OR5AS1: variants seen among roughly 807,000 people sequenced by gnomAD.
OR5AS1 encodes the protein olfactory receptor family 5 subfamily AS member 1.
For synonymous variants in OR5AS1, 196 were observed against 141.7 expected, an observed-to-expected ratio of 1.38 and a Z score of -2.72; for missense variants, 492 against 378.2, an observed-to-expected ratio of 1.30 and a Z score of -2.50.
At position 56,035,999 on chromosome 11, in the gene OR5AS1, CA is replaced by C. The variant is rs752353291; in HGVS notation, c.*4607del. ...AAACTCACTCAAAACCACACATCTACATGGAAACTGAACAACCTGCTCATGA... is the reference window on the plus strand; with the variant it reads ...AAACTCACTCAAAACCACACATCTACTGGAAACTGAACAACCTGCTCATGA... On this transcript the variant is annotated 3_prime_UTR_variant, in exon 2 of 2. Coordinates refer to ENST00000641320, the MANE Select transcript of OR5AS1 (RefSeq NM_001001921.2). 1 of 152,080 alleles carries C rather than the reference CA, an allele frequency of 6.6e-6. No homozygotes were observed. The highest frequency in any genetic ancestry group is 1.5e-5 in the Non-Finnish European group (1 of 68,034). The allele number at this position is 152,080 out of a possible 1,614,324, so 9.4% of individuals were successfully genotyped here.
chr11:56,027,809 C>CTG (rs10668208), intron 1 of OR5AS1, 97 bp downstream of exon 1: 70,491 of 148,480 alleles, frequency 0.47, 16,709 homozygotes, highest in Non-Finnish European at 0.5. Flanking sequence ...TCTGCTATTT[C>CTG]TGTGTGTGTG....
Position 56,031,053 on chromosome 11 carries a change from T to C in OR5AS1, c.635T>C (p.Val212Ala), listed in dbSNP as rs757064358. 6.2e-7 allele frequency: 1 copy of C among 1,614,162 alleles called. No individual in the cohort carries two copies. Among genetic ancestry groups the C allele is most frequent in the South Asian group, 1.1e-5 (1 of 91,090 alleles). The change falls in exon 2 of 2, where the codon GTG becomes GCG. Residue 212 changes from valine (V) to alanine (A), a missense_variant. Transcript: ENST00000641320. ...AGCTTCATCCAGACCAGCACTTTTG[T>C]GGTAATATTTATTTCTTACTTCTGC... ...LCSFIQTSTFVVIFISYFCIL... is the reference protein window; with the variant it reads ...LCSFIQTSTFAVIFISYFCIL...
In OR5AS1 at chr11:56,030,860, G is replaced by A. The variant is rs1056149179; in HGVS notation, c.442G>A (p.Ala148Thr). The A allele has an allele frequency of 9.3e-6, 15 of 1,613,966 alleles. No individual in the cohort carries two copies. The highest frequency in any genetic ancestry group is 3.3e-4 in the Middle Eastern group (2 of 6,062). ...RRVCVCFIVL[A>T]YFSGSTTSLV... ...AGTCTGTGTCTGCTTCATTGTGTTG[G>A]CATATTTCAGTGGAAGTACAACATC... Residue 148 changes from alanine (A) to threonine (T), a missense_variant, in exon 2 of 2, where the codon GCA (alanine) becomes ACA (threonine). Ala to Thr is a moderately conservative substitution (Grantham distance 58, BLOSUM62 0). Coordinates refer to ENST00000641320, the MANE Select transcript of OR5AS1 (RefSeq NM_001001921.2).
In OR5AS1 at chr11:56,030,805, A is replaced by C. The variant is rs1853340453; in HGVS notation, c.387A>C (p.Pro129=). 6.2e-7 allele frequency: 1 copy of C among 1,613,842 alleles called. No individual in the cohort carries two copies. The highest frequency in any genetic ancestry group is 1.7e-5 in the Admixed American group (1 of 59,982). Residue 129 remains proline (P), a synonymous_variant, in exon 2 of 2, where the codon CCA becomes CCC. Transcript: ENST00000641320. ...ACCGCTATGCAGCCATCTGCAACCC[A>C]CTGCTCTATACTACACTGATGTCTA... ...AYDRYAAICN[P]LLYTTLMSRR...
chr11:56,027,741 C>T (rs1001825263), intron 1 of OR5AS1, 29 bp downstream of exon 1: 1 of 151,732 alleles, frequency 6.6e-6, no homozygotes, highest in African/African-American at 2.4e-5. Context: ...AAAGCATTAA[C>T]AAAATGTTTG....
rs1407536556 is a variant in OR5AS1, at chr11:56,037,577, A to G, written c.*6184A>G. ...AGGGATATGAATGACCTCTTCAAGG[A>G]GAACTACAAATTAGTGCTCAAGGAA... On this transcript the variant is annotated 3_prime_UTR_variant, in exon 2 of 2. Coordinates refer to ENST00000641320, the MANE Select transcript of OR5AS1 (RefSeq NM_001001921.2). 6.6e-6 allele frequency: 1 copy of G among 152,124 alleles called. No homozygotes were observed. The highest frequency in any genetic ancestry group is 1.5e-5 in the Non-Finnish European group (1 of 68,042). 9.4% of individuals were successfully genotyped at this position (152,124 alleles called of 1,614,324 possible). A position where few individuals can be genotyped will look rare whatever the true frequency, so the allele number is the denominator to read the frequency against.
At chr11:56,027,976 G>T (rs1408977734) in intron 1 of OR5AS1, among the ~76,000 whole-genome samples, 5 of 151,984 alleles carry the variant, frequency 3.3e-5, no homozygotes, top group African/African-American at 1.2e-4. Flanking sequence ...TGAGAAGGAA[G>T]CTGACTATGC....
At position 56,031,269 on chromosome 11, in the gene OR5AS1, T is replaced by A. The variant is rs1853348255; in HGVS notation, c.851T>A (p.Met284Lys). 1 of 1,613,406 alleles carries A rather than the reference T, an allele frequency of 6.2e-7. No homozygotes were observed. The highest frequency in any genetic ancestry group is 8.5e-7 in the Non-Finnish European group (1 of 1,179,748). The part of the protein sequence containing the change: ...VAVFYTVVFP[M>K]FNPIIYSFRN... ...GTGTTTTATACTGTTGTATTTCCCA[T>A]GTTTAATCCAATAATTTATAGTTTC... is the stretch of plus-strand genomic sequence containing the variant. Residue 284 changes from methionine (M) to lysine (K), a missense_variant, in exon 2 of 2, where the codon ATG (methionine) becomes AAG (lysine). Coordinates refer to ENST00000641320, the MANE Select transcript of OR5AS1 (RefSeq NM_001001921.2).
At position 56,030,680 on chromosome 11, in the gene OR5AS1, T is replaced by C. The variant is rs774691942; in HGVS notation, c.262T>C (p.Ser88Pro). ...TAAAATGCTGGCAAACTTCTTGGCA[T>C]CCAGGAAAAGCATCTCTCCTTATGG... ...TPKMLANFLA[S>P]RKSISPYGCA... Residue 88 changes from serine (S) to proline (P), a missense_variant, in exon 2 of 2, where the codon TCC becomes CCC. Transcript: ENST00000641320. 12 of 1,591,766 alleles carry C rather than the reference T, an allele frequency of 7.5e-6. No homozygotes were observed. The highest frequency in any genetic ancestry group is 1.0e-5 in the Non-Finnish European group (12 of 1,167,000).
At position 56,030,372 on chromosome 11, in the gene OR5AS1, A is replaced by T. The variant is rs776628170; in HGVS notation, c.-28-19A>T. 2 of 1,307,972 alleles carry T rather than the reference A, an allele frequency of 1.5e-6. No homozygotes were observed. Among genetic ancestry groups the T allele is most frequent in the African/African-American group, 1.5e-5 (1 of 67,744 alleles). 81.0% of individuals were successfully genotyped at this position (1,307,972 alleles called of 1,614,324 possible). The stretch of plus-strand genomic sequence containing the variant: ...TCATCCATAACTCAAGTTAACTCAC[A>T]TCTGCTGATACTACCTAGGTCCAGT... On this transcript the variant is annotated intron_variant, in intron 1 of 1. Coordinates refer to ENST00000641320, the MANE Select transcript of OR5AS1 (RefSeq NM_001001921.2).
At position 56,028,988 on chromosome 11, in the gene OR5AS1, T is replaced by C. The variant is rs12360964; in HGVS notation, c.-29+1276T>C. Among the ~76,000 whole-genome samples, 3 of 152,184 alleles carry C rather than the reference T, an allele frequency of 2.0e-5. No homozygotes were observed. The East Asian group carries it at 5.8e-4, about 29-fold the overall frequency. ...CATTTTTCTAGTATTTTTTCAGAGT[T>C]GGGATTTCTTCACTATAGTTTTAGG... On this transcript the variant is annotated intron_variant, in intron 1 of 1. Transcript: ENST00000641320.
Position 56,031,227 on chromosome 11 carries a change from C to T in OR5AS1, c.809C>T (p.Thr270Ile), listed in dbSNP as rs1853347655. Residue 270 changes from threonine to isoleucine, a missense_variant, in exon 2 of 2, where the codon ACT becomes ATT. Thr to Ile is a moderately conservative substitution (Grantham distance 89). Coordinates refer to ENST00000641320, the MANE Select transcript of OR5AS1 (RefSeq NM_001001921.2). ...LQPTTSYSLDTDKVVAVFYTV... is the reference protein window; with the variant it reads ...LQPTTSYSLDIDKVVAVFYTV... ...CCCACCACTAGCTATTCCCTAGACA[C>T]TGATAAGGTGGTGGCAGTGTTTTAT... The T allele has an allele frequency of 1.2e-6, 2 of 1,613,602 alleles. No homozygotes were observed. The highest frequency in any genetic ancestry group is 1.7e-6 in the Non-Finnish European group (2 of 1,179,618).
chr11:56,027,794 G>A (rs1010642969), intron 1 of OR5AS1, 82 bp downstream of exon 1: 2 of 143,876 alleles, frequency 1.4e-5, no homozygotes, highest in African/African-American at 5.2e-5. Flanking sequence ...CAGATAAAAT[G>A]TATCTCTGCT....
rs200489339 is a variant in OR5AS1 at position 56,031,007 on chromosome 11, C to A, written c.589C>A (p.Leu197Ile). The change falls in exon 2 of 2, where the codon CTT becomes ATT. Residue 197 changes from leucine (L) to isoleucine (I), a missense_variant. Physicochemically the swap from Leu to Ile is conservative, Grantham distance 5 (BLOSUM62 2). Transcript: ENST00000641320. ...ATGTACAGACACTCAGATCAACCAG[C>A]TTCTGCTCTTTGCTTTGTGCAGCTT... The part of the protein sequence containing the change: ...LSCTDTQINQ[L>I]LLFALCSFIQ... 6.2e-7 allele frequency: 1 copy of A among 1,614,160 alleles called. No homozygotes were observed. Among genetic ancestry groups the A allele is most frequent in the East Asian group, 2.2e-5 (1 of 44,884 alleles).
chr11:56,031,019 G>T lies in OR5AS1; in HGVS notation c.601G>T (p.Ala201Ser), dbSNP rs775263125. 6.2e-7 allele frequency: 1 copy of T among 1,614,068 alleles called. No homozygotes were observed. The highest frequency in any genetic ancestry group is 1.1e-5 in the South Asian group (1 of 91,088). The change falls in exon 2 of 2, where the codon GCT (alanine) becomes TCT (serine). Residue 201 changes from alanine to serine, a missense_variant. Coordinates refer to ENST00000641320, the MANE Select transcript of OR5AS1 (RefSeq NM_001001921.2). ...TCAGATCAACCAGCTTCTGCTCTTT[G>T]CTTTGTGCAGCTTCATCCAGACCAG... Reference protein sequence around the residue: ...DTQINQLLLFALCSFIQTSTF... With the variant: ...DTQINQLLLFSLCSFIQTSTF...
rs1351021334 is a variant in OR5AS1, at chr11:56,035,625, C to T, written c.*4232C>T. ...ATATATGTACCCAATACAAGAGCACCCAAATTCATAAAGCCAGTTCTTAGA... is the reference window on the plus strand; with the variant it reads ...ATATATGTACCCAATACAAGAGCACTCAAATTCATAAAGCCAGTTCTTAGA... On this transcript the variant is annotated 3_prime_UTR_variant, in exon 2 of 2. Coordinates refer to ENST00000641320, the MANE Select transcript of OR5AS1 (RefSeq NM_001001921.2). 6.6e-6 allele frequency: 1 copy of T among 151,838 alleles called. No individual in the cohort carries two copies. The highest frequency in any genetic ancestry group is 1.5e-5 in the Non-Finnish European group (1 of 67,978). 9.4% of individuals were successfully genotyped at this position (151,838 alleles called of 1,614,324 possible).
Position 56,032,588 on chromosome 11 carries a change from G to C in OR5AS1, c.*1195G>C, listed in dbSNP as rs1236212326. On this transcript the variant is annotated 3_prime_UTR_variant, in exon 2 of 2. Coordinates refer to ENST00000641320, the MANE Select transcript of OR5AS1 (RefSeq NM_001001921.2). The stretch of plus-strand genomic sequence containing the variant: ...ATTAGTTATATTGAATTTAACCTTG[G>C]ACATGGAGACAATAAGATAGCACCT... 6.6e-6 allele frequency: 1 copy of C among 152,050 alleles called. No homozygotes were observed. The highest frequency in any genetic ancestry group is 2.4e-5 in the African/African-American group (1 of 41,354). The allele number at this position is 152,050 out of a possible 1,614,324, so 9.4% of individuals were successfully genotyped here. A position where few individuals can be genotyped will look rare whatever the true frequency, so the allele number is the denominator to read the frequency against.
In OR5AS1 at chr11:56,033,116, C is replaced by T. The variant is rs67930054; in HGVS notation, c.*1723C>T. On this transcript the variant is annotated 3_prime_UTR_variant, in exon 2 of 2. Coordinates refer to ENST00000641320, the MANE Select transcript of OR5AS1 (RefSeq NM_001001921.2). ...GGCCCAGATACTATGCTTTTCCCAT[C>T]GTCTTCACAACACACGGACCAGGAG... 0.09 allele frequency: 13,784 copies of T among 152,324 alleles called. 683 individuals are homozygous for T. The highest frequency in any genetic ancestry group is 0.12 in the African/African-American group (4,951 of 41,468). The allele number at this position is 152,324 out of a possible 1,614,324, so 9.4% of individuals were successfully genotyped here.
chr11:56,029,091 C>T lies in OR5AS1; in HGVS notation c.-28-1300C>T, dbSNP rs188213415. ...GAGTTCACAAAGAAGGCTGGCTTCT[C>T]TTTTCGGTACATTTAGAAGATTCCT... is the stretch of plus-strand genomic sequence containing the variant. On this transcript the variant is annotated intron_variant, in intron 1 of 1. Coordinates refer to ENST00000641320, the MANE Select transcript of OR5AS1 (RefSeq NM_001001921.2). Among the ~76,000 whole-genome samples, 146 of 152,166 alleles carry T rather than the reference C, an allele frequency of 9.6e-4. 2 individuals are homozygous for T. Among genetic ancestry groups the T allele is most frequent in the African/African-American group, 3.2e-3 (133 of 41,510 alleles).
Sources: gnomAD v4.1 joint callset for allele counts (sites outside exome capture counted in the v4.1 genomes callset) on GRCh38, gnomAD v4.1.1 for gene constraint, MANE v1.5 for transcripts, NCBI Gene and HGNC (gene_info 2026-07-23, HGNC 2026-07-21) for gene names.